Variants in PHLPP1 observed in about 807,000 individuals in gnomAD.
The protein encoded by PHLPP1 is PH domain and leucine rich repeat protein phosphatase 1.
A neutral mutation model predicts 117.2 loss-of-function variants in PHLPP1; 42 were observed. That is an observed-to-expected ratio of 0.36 (90% CI 0.28 to 0.46). The LOEUF is 0.46. PHLPP1 is among the 20% of genes least tolerant of loss of function. PHLPP1 has a pLI of 1.00. For missense variants in PHLPP1, 2,084 were observed against 2,241.9 expected, an observed-to-expected ratio of 0.93 and a Z score of 1.42; for synonymous variants, 1,042 against 970.7, an observed-to-expected ratio of 1.07 and a Z score of -1.37.
At chr18:62,944,831 A>G (rs1224432376) in intron 11 of PHLPP1, among the ~76,000 whole-genome samples, 3 of 152,194 alleles carry the variant, frequency 2.0e-5, no homozygotes, top group South Asian at 4.1e-4. Flanking sequence ...TAACATGATT[A>G]TTGCCAGGGT....
rs368199717 is a variant in PHLPP1 at position 62,961,074 on chromosome 18, A to G, written c.3456-2294A>G. 6.9e-4 allele frequency among the ~76,000 whole-genome samples: 105 copies of G among 152,274 alleles called. 1 individual carries two copies. The East Asian group carries it at 0.011, about 16-fold the overall frequency. On this transcript the variant is annotated intron_variant, in intron 13 of 16. Coordinates refer to ENST00000262719, the MANE Select transcript of PHLPP1 (RefSeq NM_194449.4). ...CACTTTGGGAGGCCGAGGTGGGTAG[A>G]TCACCTGAGGTCAGGAGTTTGCAAC...
intron 1 of PHLPP1, among the ~76,000 whole-genome samples, chr18:62,728,741 T>A (rs1055958194): frequency 8.5e-5 from 13 of 152,128 alleles, no homozygotes; most frequent in Non-Finnish European, 1.6e-4. Context: ...ACTCCTGACT[T>A]CGTGATCTGC....
intron 10 of PHLPP1, among the ~76,000 whole-genome samples, chr18:62,936,064 A>C (rs1839939101): frequency 6.6e-6 from 1 of 152,162 alleles, no homozygotes; most frequent in Non-Finnish European, 1.5e-5. Flanking sequence ...CAACAAAAGG[A>C]ATCAGGTGTC....
At chr18:62,919,769 T>C (rs1909405694) in intron 9 of PHLPP1, among the ~76,000 whole-genome samples, 190 bp from the exon 10 acceptor site, 1 of 152,216 alleles carries the variant, frequency 6.6e-6, no homozygotes, top group African/African-American at 2.4e-5. Context: ...GCTCAATATT[T>C]GTTTACATAG....
chr18:62,944,660 T>C (rs1204655725), intron 11 of PHLPP1, among the ~76,000 whole-genome samples: 2 of 152,200 alleles, frequency 1.3e-5, no homozygotes, highest in African/African-American at 4.8e-5. Context: ...CTTATCTTAA[T>C]ATGAACTATA....
intron 1 of PHLPP1, among the ~76,000 whole-genome samples, chr18:62,749,968 A>G (rs1198391067): frequency 6.6e-6 from 1 of 152,214 alleles, no homozygotes; most frequent in Non-Finnish European, 1.5e-5. Context: ...GTGAGCCAAG[A>G]TGGCGCCACT....
At chr18:62,810,503 A>G (rs1914082069) in intron 1 of PHLPP1, among the ~76,000 whole-genome samples, 1 of 152,204 alleles carries the variant, frequency 6.6e-6, no homozygotes, top group African/African-American at 2.4e-5. Context: ...CTATATAAAC[A>G]TACCTGTGAT....
At chr18:62,814,352 G>A (rs1038611584) in intron 1 of PHLPP1, among the ~76,000 whole-genome samples, 4 of 152,174 alleles carry the variant, frequency 2.6e-5, no homozygotes, top group Non-Finnish European at 2.9e-5. Flanking sequence ...TCCTTGCTGA[G>A]CTTCTTTTAG....
intron 13 of PHLPP1, among the ~76,000 whole-genome samples, chr18:62,961,100 C>G (rs1390724579): frequency 6.6e-6 from 1 of 152,120 alleles, no homozygotes; most frequent in Non-Finnish European, 1.5e-5. Context: ...AGTTTGCAAC[C>G]AGCCTGACCA....
chr18:62,892,892 A>G (rs1326284671), intron 4 of PHLPP1, among the ~76,000 whole-genome samples: 4 of 151,416 alleles, frequency 2.6e-5, no homozygotes, highest in African/African-American at 9.7e-5. Flanking sequence ...AAAAAAAAAA[A>G]AGTTTGACCA....
At chr18:62,754,239 C>T (rs974761954) in intron 1 of PHLPP1, among the ~76,000 whole-genome samples, 2 of 152,234 alleles carry the variant, frequency 1.3e-5, no homozygotes, top group East Asian at 1.9e-4. Flanking sequence ...TCCCCATCAC[C>T]TGTCTTGTCA....
intron 14 of PHLPP1, among the ~76,000 whole-genome samples, chr18:62,967,735 T>G (rs886155451): frequency 1.3e-5 from 2 of 152,208 alleles, no homozygotes; most frequent in Non-Finnish European, 2.9e-5. Context: ...TTCAGGCTGT[T>G]GATGTGTTTA....
intron 10 of PHLPP1, among the ~76,000 whole-genome samples, chr18:62,921,359 G>A (rs1163927524): frequency 6.6e-6 from 1 of 152,192 alleles, no homozygotes; most frequent in Non-Finnish European, 1.5e-5. Flanking sequence ...CAAAATAAAT[G>A]TTAGCTATGT....
intron 3 of PHLPP1, among the ~76,000 whole-genome samples, chr18:62,846,915 C>T (rs192489106): frequency 0.011 from 1,745 of 152,264 alleles, 15 homozygotes; most frequent in Non-Finnish European, 0.018. Context: ...CCCTTCTATT[C>T]CTTTTTTCTT....
At chr18:62,803,493 T>G (rs905058658) in intron 1 of PHLPP1, among the ~76,000 whole-genome samples, 1 of 152,238 alleles carries the variant, frequency 6.6e-6, no homozygotes, top group African/African-American at 2.4e-5. Context: ...TGTGTTTAAC[T>G]TAAGATTGTG....
intron 4 of PHLPP1, among the ~76,000 whole-genome samples, chr18:62,875,533 T>C (rs549072554): frequency 6.6e-6 from 1 of 152,216 alleles, no homozygotes; most frequent in East Asian, 1.9e-4. Context: ...CTTTGCATTC[T>C]GAGAGGGCAG....
intron 10 of PHLPP1, among the ~76,000 whole-genome samples, chr18:62,921,218 C>G (rs1024961792): frequency 1.3e-5 from 2 of 152,104 alleles, no homozygotes; most frequent in African/African-American, 4.8e-5. Flanking sequence ...AGGGAGTGAC[C>G]ATTACTTTAG....
Position 62,978,579 on chromosome 18 carries a change from C to G in PHLPP1, c.4302C>G (p.Leu1434=). The G allele has an allele frequency of 6.2e-7, 1 of 1,613,562 alleles. No homozygotes were observed. The highest frequency in any genetic ancestry group is 8.5e-7 in the Non-Finnish European group (1 of 1,179,710). The change falls in exon 17 of 17, where the codon CTC becomes CTG. Residue 1434 remains leucine (L), a synonymous_variant. Coordinates refer to ENST00000262719, the MANE Select transcript of PHLPP1 (RefSeq NM_194449.4). This position sits in a 1 kb window ranked among gnomAD's most constrained non-coding sequence, Gnocchi z 7.0. The part of the protein sequence containing the change: ...VTEDSFCCCE[L]SAGGAVPPPS... The stretch of plus-strand genomic sequence containing the variant: ...AGGACAGCTTCTGCTGCTGCGAGCT[C>G]AGCGCCGGTGGGGCTGTGCCACCAC...
Position 62,830,190 on chromosome 18 carries a change from T to G in PHLPP1, c.1732T>G (p.Leu578Val). ...GATAGTATCATCTGTGAAAGACAGC[T>G]TGACCGGAAAGATGCATGTTCTGCC... ...CLIVSSVKDS[L>V]TGKMHVLPLI... The change falls in exon 2 of 17, where the codon TTG becomes GTG. Residue 578 changes from leucine to valine, a missense_variant. This residue lies in a region of PHLPP1 where 1,365 missense variants were observed against 1,605.9 expected (regional missense o/e 0.85). Coordinates refer to ENST00000262719, the MANE Select transcript of PHLPP1 (RefSeq NM_194449.4). The G allele has an allele frequency of 6.3e-7, 1 of 1,577,106 alleles. No homozygotes were observed. The highest frequency in any genetic ancestry group is 8.6e-7 in the Non-Finnish European group (1 of 1,160,734).
Sources: allele counts gnomAD v4.1 joint callset (sites outside exome capture counted in the v4.1 genomes callset), GRCh38; gene constraint gnomAD v4.1.1; regional missense constraint gnomAD v4.1.1; non-coding constraint Gnocchi (gnomAD v3.1); transcripts MANE v1.5; gene names NCBI Gene and HGNC (gene_info 2026-07-23, HGNC 2026-07-21).